The following LRFN2 variants were observed in gnomAD, a reference collection of about 807,000 sequenced individuals.
LRFN2 encodes leucine-rich repeat and fibronectin type-III domain-containing protein 2.
In LRFN2, 18 loss-of-function variants were observed where a neutral mutation model predicts 37.3. That is an observed-to-expected ratio of 0.48 (90% CI 0.33 to 0.72). The LOEUF (loss-of-function observed/expected upper bound fraction) is 0.72. Among genes scored for constraint, LRFN2 ranks in the 30% least tolerant of loss-of-function variants. The pLI, the probability that LRFN2 is intolerant of heterozygous loss-of-function variation, is 0.02. For synonymous variants in LRFN2, 556 were observed against 466.6 expected, an observed-to-expected ratio of 1.19 and a Z score of -2.47; for missense variants, 1,006 against 1,060.7, an observed-to-expected ratio of 0.95 and a Z score of 0.72.
intron 1 of LRFN2, chr6:40,502,372 T>A (rs1765405223): frequency 6.6e-6 from 1 of 152,134 alleles, no homozygotes; most frequent in African/African-American, 2.4e-5. Flanking sequence ...AGAATGGAAG[T>A]CCTTTGGGTG....
At chr6:40,442,346 C>T (rs1470199518) in intron 1 of LRFN2, among the ~76,000 whole-genome samples, 1 of 152,182 alleles carries the variant, frequency 6.6e-6, no homozygotes, top group East Asian at 1.9e-4. Flanking sequence ...CTTTTTCAAC[C>T]TACACAGGAT....
chr6:40,435,171 G>GAGAGAT (rs1763634225), intron 1 of LRFN2, among the ~76,000 whole-genome samples: 1 of 148,508 alleles, frequency 6.7e-6, no homozygotes, highest in African/African-American at 2.5e-5. Flanking sequence ...GAGAGAGAGA[G>GAGAGAT]AGAGAGAGAG....
At chr6:40,458,777 G>A (rs1764285483) in intron 1 of LRFN2, among the ~76,000 whole-genome samples, 1 of 152,162 alleles carries the variant, frequency 6.6e-6, no homozygotes, top group African/African-American at 2.4e-5. Flanking sequence ...ATTCCCAGGA[G>A]CTGGGTAGTT....
chr6:40,579,729 C>T (rs1767360447), intron 1 of LRFN2, among the ~76,000 whole-genome samples: 1 of 152,022 alleles, frequency 6.6e-6, no homozygotes, highest in Non-Finnish European at 1.5e-5. Flanking sequence ...ACAAACAGGG[C>T]TGGAAAAAGT....
At chr6:40,403,421 C>T (rs1313327398) in intron 2 of LRFN2, among the ~76,000 whole-genome samples, 2 of 152,184 alleles carry the variant, frequency 1.3e-5, no homozygotes, top group Non-Finnish European at 2.9e-5. Context: ...GGCCAGGGAC[C>T]AGAGGCCTGG....
intron 2 of LRFN2, among the ~76,000 whole-genome samples, chr6:40,430,938 A>G (rs913177521): frequency 6.6e-6 from 1 of 152,174 alleles, no homozygotes; most frequent in Admixed American, 6.5e-5. Context: ...CCCAGGGGAA[A>G]GAGACTCCCT....
intron 1 of LRFN2, among the ~76,000 whole-genome samples, chr6:40,547,289 G>C (rs35839230): frequency 0.44 from 66,953 of 151,668 alleles, 15,245 homozygotes; most frequent in Middle Eastern, 0.58. Context: ...ATTTTTAGTA[G>C]AGACAGAGTT....
In LRFN2 at chr6:40,500,461, C is replaced by T. The variant is rs190548007; in HGVS notation, c.-18-67330G>A. 8.5e-4 allele frequency among the ~76,000 whole-genome samples: 129 copies of T among 152,342 alleles called. 1 individual carries two copies. Among genetic ancestry groups the T allele is most frequent in the Admixed American group, 6.1e-3 (94 of 15,308 alleles). ...CTGCAAGTCTTTGAGTGCCTCTCAG[C>T]CCTTGTTGATTCTGTCAGATCTGCC... On this transcript the variant is annotated intron_variant, in intron 1 of 2. Transcript: ENST00000338305.
intron 1 of LRFN2, among the ~76,000 whole-genome samples, chr6:40,527,922 A>G (rs1041309134): frequency 2.0e-5 from 3 of 152,222 alleles, no homozygotes; most frequent in Non-Finnish European, 4.4e-5. Context: ...AGCTATTATC[A>G]TATGTGTTAC....
At chr6:40,529,300 A>C (rs777544208) in intron 1 of LRFN2, among the ~76,000 whole-genome samples, 1 of 152,140 alleles carries the variant, frequency 6.6e-6, no homozygotes, top group Non-Finnish European at 1.5e-5. Flanking sequence ...TCATGACAGA[A>C]ACGGAATTTC....
intron 1 of LRFN2, among the ~76,000 whole-genome samples, chr6:40,546,613 G>A (rs192596994): frequency 2.6e-5 from 4 of 152,326 alleles, no homozygotes; most frequent in African/African-American, 9.6e-5. Flanking sequence ...AGTCCAGCTG[G>A]ATTCAAATCC....
rs953885864 is a variant in LRFN2, at chr6:40,470,487, G to A, written c.-18-37356C>T. On this transcript the variant is annotated intron_variant, in intron 1 of 2. Transcript: ENST00000338305. Reference sequence around the variant, plus strand: ...CAGCTGGGCATGGTGGCATGCACCTGTAGTCCCAGCTACTTGGGAGGCTGA... The same window carrying A: ...CAGCTGGGCATGGTGGCATGCACCTATAGTCCCAGCTACTTGGGAGGCTGA... Among the ~76,000 whole-genome samples, 73 of 152,264 alleles carry A rather than the reference G, an allele frequency of 4.8e-4. 2 individuals are homozygous for A. The highest frequency in any genetic ancestry group is 2.1e-4 in the Non-Finnish European group (14 of 68,026).
intron 1 of LRFN2, among the ~76,000 whole-genome samples, chr6:40,528,270 T>C (rs1289022127): frequency 6.6e-6 from 1 of 152,262 alleles, no homozygotes; most frequent in Non-Finnish European, 1.5e-5. Context: ...TGGAGCTGCA[T>C]AGCTGGGTGA....
chr6:40,494,246 T>C (rs913837242), intron 1 of LRFN2, among the ~76,000 whole-genome samples: 2 of 152,158 alleles, frequency 1.3e-5, no homozygotes, highest in Non-Finnish European at 2.9e-5. Flanking sequence ...TCCTCAAATG[T>C]CAAATCAGGG....
At chr6:40,393,156 G>T (rs543797304) in intron 2 of LRFN2, among the ~76,000 whole-genome samples, 1 of 151,542 alleles carries the variant, frequency 6.6e-6, no homozygotes, top group South Asian at 2.1e-4. Flanking sequence ...GCAGGGGCAG[G>T]CAGGCAACAG....
Position 40,392,591 on chromosome 6 carries a change from A to G in LRFN2, c.1722T>C (p.Asn574=). 1 of 1,608,438 alleles carries G rather than the reference A, an allele frequency of 6.2e-7. No individual in the cohort carries two copies. The highest frequency in any genetic ancestry group is 8.5e-7 in the Non-Finnish European group (1 of 1,179,850). ...GGGCGCCGTTGGTCTGCGAGTACAC[A>G]TTGCTCACGGCCGCTGCCATCTTGC... ...APSKMAAAVS[N]VYSQTNGAQP... is the part of the protein sequence containing the mutation. Residue 574 remains asparagine (N), a synonymous_variant, in exon 3 of 3, where the codon AAT becomes AAC. Transcript: ENST00000338305. This position sits in a 1 kb window ranked among gnomAD's most constrained non-coding sequence, Gnocchi z 4.7.
chr6:40,403,065 T>C (rs1323869712), intron 2 of LRFN2, among the ~76,000 whole-genome samples: 1 of 152,190 alleles, frequency 6.6e-6, no homozygotes, highest in African/African-American at 2.4e-5. Context: ...GGAGCCAGGT[T>C]CTTGCAAGTA....
intron 1 of LRFN2, among the ~76,000 whole-genome samples, chr6:40,488,928 C>CA (rs140230475): frequency 5.6e-4 from 84 of 150,712 alleles, no homozygotes; most frequent in African/African-American, 1.8e-3. Flanking sequence ...CTGACTCAGT[C>CA]AAAAAAAAAG....
At chr6:40,479,433 C>A (rs997076461) in intron 1 of LRFN2, among the ~76,000 whole-genome samples, 2 of 152,150 alleles carry the variant, frequency 1.3e-5, no homozygotes, top group African/African-American at 4.8e-5. Context: ...AGACAAGTCG[C>A]TTTCTCTCAC....
Sources: gnomAD v4.1 joint callset for allele counts (sites outside exome capture counted in the v4.1 genomes callset) on GRCh38, gnomAD v4.1.1 for gene constraint, Gnocchi (gnomAD v3.1) non-coding constraint, MANE v1.5 for transcripts, NCBI Gene and HGNC (gene_info 2026-07-23, HGNC 2026-07-21) for gene names.